STOML1: variants seen among roughly 807,000 people sequenced by gnomAD.
STOML1 encodes stomatin like 1, also known as stomatin-like protein 1.
In STOML1, 27 loss-of-function variants were observed where a neutral mutation model predicts 35.7. The observed-to-expected ratio is 0.76, with a 90% confidence interval of 0.56 to 1.04. The LOEUF is 1.04. Among genes scored for constraint, STOML1 ranks in the 50% least tolerant of loss-of-function variants. The pLI, the probability that STOML1 is intolerant of heterozygous loss-of-function variation, is 0.00. For missense variants in STOML1, 451 were observed against 527.1 expected (o/e 0.86, Z 1.41); for synonymous variants, 219 against 227.9 (o/e 0.96, Z 0.35).
rs1333503228 is a variant in STOML1 at position 73,982,876 on chromosome 15, G to A, written c.*1061C>T. 1 of 152,162 alleles carries A rather than the reference G, an allele frequency of 6.6e-6. No homozygotes were observed. Among genetic ancestry groups the A allele is most frequent in the Admixed American group, 6.5e-5 (1 of 15,284 alleles). 9.4% of individuals were successfully genotyped at this position (152,162 alleles called of 1,614,324 possible). ...GCGAGCGGAGAAGCAGTGACAGAGT[G>A]TACCAGGAGGGGAAGCTGACGGTGG... On this transcript the variant is annotated 3_prime_UTR_variant, in exon 7 of 7. Transcript: ENST00000541638.
chr15:73,990,871 C>A, intron 1 of STOML1: 1 of 1,535,542 alleles, frequency 6.5e-7, no homozygotes, highest in East Asian at 2.4e-5. Context: ...ATACTGCTGG[C>A]AAAACACATT....
At position 73,979,251 on chromosome 15, in the gene STOML1, T is replaced by C. The variant is rs2068934005; in HGVS notation, c.*4686A>G. The C allele has an allele frequency of 6.6e-6, 1 of 152,084 alleles. No homozygotes were observed. Among genetic ancestry groups the C allele is most frequent in the African/African-American group, 2.4e-5 (1 of 41,364 alleles). The allele number at this position is 152,084 out of a possible 1,614,324, so 9.4% of individuals were successfully genotyped here. A position where few individuals can be genotyped will look rare whatever the true frequency, so the allele number is the denominator to read the frequency against. ...CTGACGGGAAGTGACGTGGAGAACTTTGTGAGTGGATGGGAATGTTTTGTA... is the reference window on the plus strand; with the variant it reads ...CTGACGGGAAGTGACGTGGAGAACTCTGTGAGTGGATGGGAATGTTTTGTA... On this transcript the variant is annotated 3_prime_UTR_variant, in exon 7 of 7. Coordinates refer to ENST00000541638, the MANE Select transcript of STOML1 (RefSeq NM_004809.5).
rs754469597 is a variant in STOML1 at position 73,991,932 on chromosome 15, G to A, written c.133+159C>T. The A allele has an allele frequency of 6.1e-4, 724 of 1,178,472 alleles. 1 individual carries two copies. The highest frequency in any genetic ancestry group is 8.7e-4 in the Middle Eastern group (3 of 3,442). The allele number at this position is 1,178,472 out of a possible 1,614,324, so 73.0% of individuals were successfully genotyped here. A position where few individuals can be genotyped will look rare whatever the true frequency, so the allele number is the denominator to read the frequency against. ...GAGGGCGGATCGGCGCTAGCACCAGGCGCCGGGTCCAGCCCCCTCTCCACA... is the reference window on the plus strand; with the variant it reads ...GAGGGCGGATCGGCGCTAGCACCAGACGCCGGGTCCAGCCCCCTCTCCACA... On this transcript the variant is annotated intron_variant, in intron 1 of 6. Coordinates refer to ENST00000541638, the MANE Select transcript of STOML1 (RefSeq NM_004809.5).
At chr15:73,991,954 C>A in intron 1 of STOML1, 137 bp downstream of exon 1, 2 of 1,322,550 alleles carry the variant, frequency 1.5e-6, no homozygotes, top group Non-Finnish European at 2.0e-6. Context: ...GCCCCCTCTC[C>A]ACATCGTATC....
intron 1 of STOML1, chr15:73,990,898 C>T: frequency 6.5e-7 from 1 of 1,533,164 alleles, no homozygotes; most frequent in East Asian, 2.4e-5. Context: ...ATACCATCAG[C>T]CCCAGAAGTG....
At chr15:73,992,950 T>C (rs1213771588), upstream of STOML1, among the ~76,000 whole-genome samples, 1 of 152,162 alleles carries the variant, frequency 6.6e-6, no homozygotes, top group Non-Finnish European at 1.5e-5. Flanking sequence ...ATTATTCCTC[T>C]TTGTGAACCC....
intron 1 of STOML1, chr15:73,990,953 G>T: frequency 6.8e-7 from 1 of 1,477,430 alleles, no homozygotes; most frequent in Non-Finnish European, 9.0e-7. Context: ...AGCCTACAGG[G>T]ATAAATCATA....
Position 73,983,829 on chromosome 15 carries a change from G to T in STOML1, c.*108C>A. On this transcript the variant is annotated 3_prime_UTR_variant, in exon 7 of 7. Transcript: ENST00000541638. ...GGGCTCTTGGCTGGGCCTGAAATTT[G>T]TTAGGGCCTCAACTCTCTGTGGTGC... 7.5e-7 allele frequency: 1 copy of T among 1,326,618 alleles called. No individual in the cohort carries two copies. Among genetic ancestry groups the T allele is most frequent in the Non-Finnish European group, 1.0e-6 (1 of 981,150 alleles). The allele number at this position is 1,326,618 out of a possible 1,614,324, so 82.2% of individuals were successfully genotyped here.
chr15:73,992,443 G>A (rs914487251), upstream of STOML1: 1 of 412,876 alleles, frequency 2.4e-6, no homozygotes, highest in African/African-American at 2.1e-5. Flanking sequence ...GGGCTACTGG[G>A]TGTGATCGGC....
chr15:73,989,969 T>C, intron 2 of STOML1: 1 of 204,622 alleles, frequency 4.9e-6, no homozygotes, highest in Non-Finnish European at 1.0e-5. Context: ...TACCACCCCT[T>C]ATGGAAAATG....
chr15:73,990,077 A>G (rs1485580771), intron 2 of STOML1: 1 of 345,588 alleles, frequency 2.9e-6, no homozygotes, highest in Non-Finnish European at 5.4e-6. Flanking sequence ...TGGCAAAGAC[A>G]TCTGCGTGTA....
chr15:73,986,681 G>A (rs1335332755), intron 4 of STOML1: 1 of 153,096 alleles, frequency 6.5e-6, no homozygotes, highest in African/African-American at 2.4e-5. Flanking sequence ...GGTGATGTAA[G>A]GGAAGGGCTG....
upstream of STOML1, chr15:73,992,369 G>A: frequency 6.3e-6 from 6 of 958,310 alleles, no homozygotes; most frequent in Non-Finnish European, 8.3e-6. Context: ...AGAGGAGGCC[G>A]GCCGGGGCCC....
In STOML1 at chr15:73,983,752, T is replaced by C. The variant is rs542682784; in HGVS notation, c.*185A>G. 5 of 630,758 alleles carry C rather than the reference T, an allele frequency of 7.9e-6. No individual in the cohort carries two copies. Among genetic ancestry groups the C allele is most frequent in the African/African-American group, 5.5e-5 (3 of 54,428 alleles). The allele number at this position is 630,758 out of a possible 1,614,324, so 39.1% of individuals were successfully genotyped here. The stretch of plus-strand genomic sequence containing the variant: ...CAAAGCCTTGTCCAGAGAACCACTG[T>C]AGGGGAGACGTGCATGGCAGCCGGA... On this transcript the variant is annotated 3_prime_UTR_variant, in exon 7 of 7. Transcript: ENST00000541638.
chr15:73,984,589 C>G (rs1163883114), intron 6 of STOML1, 70 bp downstream of exon 6: 9 of 1,559,818 alleles, frequency 5.8e-6, no homozygotes, highest in Non-Finnish European at 7.9e-6. Flanking sequence ...TCTACGAGAG[C>G]ACCACTGGGG....
intron 1 of STOML1, 104 bp downstream of exon 1, chr15:73,991,987 G>C (rs2069291953): frequency 7.0e-7 from 1 of 1,431,186 alleles, no homozygotes; most frequent in Non-Finnish European, 9.2e-7. Context: ...CCCCCTCGTA[G>C]GGTGCGACGG....
In STOML1 at chr15:73,985,530, G is replaced by A. The variant is rs1205940480; in HGVS notation, c.595-17C>T. ...GATCTCCAGCTGGAGGACAGTGTGAGGAGAAATGTAATTAATTCAACAAAC... is the reference window on the plus strand; with the variant it reads ...GATCTCCAGCTGGAGGACAGTGTGAAGAGAAATGTAATTAATTCAACAAAC... On this transcript the variant is annotated splice_polypyrimidine_tract_variant and intron_variant, in intron 4 of 6. Coordinates refer to ENST00000541638, the MANE Select transcript of STOML1 (RefSeq NM_004809.5). 1 of 1,536,648 alleles carries A rather than the reference G, an allele frequency of 6.5e-7. No homozygotes were observed. Among genetic ancestry groups the A allele is most frequent in the Non-Finnish European group, 8.8e-7 (1 of 1,141,678 alleles).
intron 1 of STOML1, 44 bp from the exon 2 acceptor site, chr15:73,990,501 C>G: frequency 6.4e-7 from 1 of 1,557,808 alleles, no homozygotes. Flanking sequence ...TGCACGACAG[C>G]TGCCAAGCGG....
In STOML1 at chr15:73,988,610, C is replaced by T. The variant is rs377353449; in HGVS notation, c.583G>A (p.Asp195Asn). The change falls in exon 4 of 7, where the codon GAC (aspartate) becomes AAC (asparagine). Residue 195 changes from aspartate to asparagine, a missense_variant. Asp to Asn is a conservative substitution (Grantham distance 23). Transcript: ENST00000541638. This position sits in a 1 kb window ranked among gnomAD's most constrained non-coding sequence, Gnocchi z 4.8. ...EIQMEKLKIS[D>N]QLLLEINDVT... ...GAGGGGCTGCCTACCAGAAGCTGGT[C>T]GCTGATCTTGAGCTTCTCCATCTGG... 1.5e-5 allele frequency: 24 copies of T among 1,614,064 alleles called. No individual in the cohort carries two copies. The highest frequency in any genetic ancestry group is 1.7e-5 in the Admixed American group (1 of 60,012).
Sources: allele counts gnomAD v4.1 joint callset (sites outside exome capture counted in the v4.1 genomes callset), GRCh38; gene constraint gnomAD v4.1.1; non-coding constraint Gnocchi (gnomAD v3.1); transcripts MANE v1.5; gene names NCBI Gene and HGNC (gene_info 2026-07-23, HGNC 2026-07-21).